The following KCNJ16 variants were observed in gnomAD, a reference collection of about 807,000 sequenced individuals.
The protein encoded by KCNJ16 is inward rectifier potassium channel 16.
KCNJ16 carries 15 observed loss-of-function variants against 18.5 expected under a neutral mutation model. The ratio of observed to expected loss-of-function variants is 0.81; its 90% CI spans 0.54 to 1.25. The LOEUF is 1.25. KCNJ16 is among the 50% of genes most tolerant of loss of function. The pLI is 0.00. For synonymous variants in KCNJ16, 174 were observed against 186.5 expected, an observed-to-expected ratio of 0.93 and a Z score of 0.55; for missense variants, 523 against 525.7, an observed-to-expected ratio of 0.99 and a Z score of 0.05.
At chr17:70,094,341 A>G (rs750861965) in intron 1 of KCNJ16, among the ~76,000 whole-genome samples, 1 of 152,194 alleles carries the variant, frequency 6.6e-6, no homozygotes, top group Non-Finnish European at 1.5e-5. Context: ...CAGGAATAGC[A>G]ATAGTTTCAA....
chr17:70,105,514 T>C (rs1197778700), intron 2 of KCNJ16, among the ~76,000 whole-genome samples: 1 of 152,180 alleles, frequency 6.6e-6, no homozygotes, highest in Non-Finnish European at 1.5e-5. Context: ...CAAAGTAGCA[T>C]CGCAAATTTG....
At chr17:70,113,225 A>C (rs2073261230) in intron 2 of KCNJ16, among the ~76,000 whole-genome samples, 1 of 152,198 alleles carries the variant, frequency 6.6e-6, no homozygotes. Context: ...CCAGGGAAGC[A>C]TCTTTGTTCC....
chr17:70,092,872 G>T (rs867446465), intron 1 of KCNJ16, among the ~76,000 whole-genome samples: 10 of 152,162 alleles, frequency 6.6e-5, no homozygotes, highest in South Asian at 4.2e-4. Context: ...CCACCATTTT[G>T]TTCCATCCAG....
chr17:70,105,504 C>T (rs2143911597), intron 2 of KCNJ16, among the ~76,000 whole-genome samples: 2 of 152,278 alleles, frequency 1.3e-5, no homozygotes, highest in Admixed American at 1.3e-4. Flanking sequence ...AAAGTGACAG[C>T]AAAGTAGCAT....
At chr17:70,110,327 T>G (rs1252996418) in intron 2 of KCNJ16, among the ~76,000 whole-genome samples, 2 of 152,174 alleles carry the variant, frequency 1.3e-5, no homozygotes, top group African/African-American at 2.4e-5. Flanking sequence ...GATAGTGTCC[T>G]TGAAGTGAAC....
intron 2 of KCNJ16, among the ~76,000 whole-genome samples, chr17:70,112,615 C>A (rs1363103676): frequency 6.6e-6 from 1 of 152,020 alleles, no homozygotes; most frequent in Admixed American, 6.6e-5. Context: ...TATTATCTAT[C>A]ATTTATGTGT....
In KCNJ16 at chr17:70,132,375, CT is replaced by C; in HGVS notation, c.291del (p.His98IlefsTer6). On this transcript the variant is annotated frameshift_variant, in exon 4 of 4. Coordinates refer to ENST00000392671, the MANE Select transcript of KCNJ16 (RefSeq NM_170741.4). LOFTEE classifies it high-confidence loss of function. ...TTGGCTCTGTCTTTTGGCTCATAGC[CT>C]TTCATCATGGCGATCTATTAAATGA... The part of the protein sequence containing the change: ...IFGSVFWLIA[F>X]HHGDLLNDPD... The C allele has an allele frequency of 1.9e-6, 3 of 1,614,126 alleles. No individual in the cohort carries two copies. Among genetic ancestry groups the C allele is most frequent in the Non-Finnish European group, 2.5e-6 (3 of 1,180,020 alleles).
Position 70,133,109 on chromosome 17 carries a change from C to T in KCNJ16, c.1022C>T (p.Ala341Val). The change falls in exon 4 of 4, where the codon GCC becomes GTC. Residue 341 changes from alanine (A) to valine (V), a missense_variant. Transcript: ENST00000392671. ...SVEVYAPFCS[A>V]KQLDWKDQQL... ...GAAGTATATGCCCCCTTTTGCAGTG[C>T]CAAGCAATTGGACTGGAAAGACCAG... The T allele has an allele frequency of 2.5e-6, 4 of 1,614,124 alleles. No homozygotes were observed. In the African/African-American group the frequency reaches 4.0e-5, roughly 16 times the overall value.
intron 1 of KCNJ16, among the ~76,000 whole-genome samples, chr17:70,095,528 T>C (rs2072316667): frequency 6.6e-6 from 1 of 152,186 alleles, no homozygotes; most frequent in Non-Finnish European, 1.5e-5. Flanking sequence ...CGTGAAGCTT[T>C]TCTACTCTTT....
At chr17:70,103,296 G>GTGTGTGTGTGTA (rs1408960241) in intron 2 of KCNJ16, among the ~76,000 whole-genome samples, 5,625 of 71,550 alleles carry the variant, frequency 0.079, 141 homozygotes, top group East Asian at 0.12. Context: ...ATGTGTGTGT[G>GTGTGTGTGTGTA]TATATATATA....
At chr17:70,131,953 T>C in intron 3 of KCNJ16, 42 bp from the exon 4 acceptor site, 4 of 1,510,010 alleles carry the variant, frequency 2.6e-6, no homozygotes, top group Non-Finnish European at 3.5e-6. Context: ...AAGATGGACA[T>C]TGAAAGCTAA....
chr17:70,088,470 G>A (rs1032702861), intron 1 of KCNJ16, among the ~76,000 whole-genome samples: 2 of 152,168 alleles, frequency 1.3e-5, no homozygotes, highest in East Asian at 1.9e-4. Flanking sequence ...GACTGGTCCC[G>A]GTCCCTGGCC....
intron 1 of KCNJ16, among the ~76,000 whole-genome samples, chr17:70,086,866 G>A (rs1394483367): frequency 6.6e-6 from 1 of 152,134 alleles, no homozygotes; most frequent in East Asian, 1.9e-4. Flanking sequence ...TACTTTGGAA[G>A]TTAAGCCTTT....
At chr17:70,092,537 GAT>G (rs34857869) in intron 1 of KCNJ16, among the ~76,000 whole-genome samples, 26,116 of 126,480 alleles carry the variant, frequency 0.21, 3,387 homozygotes, top group African/African-American at 0.27. Context: ...TAGACAGATA[GAT>G]ATAGATAGAT....
rs116603573 is a variant in KCNJ16 at position 70,080,300 on chromosome 17, C to T, written c.-300+4910C>T. Among the ~76,000 whole-genome samples, 1,311 of 152,232 alleles carry T rather than the reference C, an allele frequency of 8.6e-3. 6 individuals carry two copies. Among genetic ancestry groups the T allele is most frequent in the African/African-American group, 0.021 (884 of 41,540 alleles). ...CTCTGAGAAACCATGTGATTAACAT[C>T]GTATACCTTTTAGAAGTATTAATTT... On this transcript the variant is annotated intron_variant, in intron 1 of 3. Transcript: ENST00000392671.
chr17:70,094,510 G>T (rs2072263335), intron 1 of KCNJ16, among the ~76,000 whole-genome samples: 1 of 152,146 alleles, frequency 6.6e-6, no homozygotes, highest in South Asian at 2.1e-4. Flanking sequence ...ATTAATAAAA[G>T]TATGTATTTT....
chr17:70,096,439 A>G (rs1292162400), intron 1 of KCNJ16, among the ~76,000 whole-genome samples: 1 of 145,560 alleles, frequency 6.9e-6, no homozygotes, highest in East Asian at 2.0e-4. Flanking sequence ...GTAAGCATGG[A>G]AAAGTATTAT....
chr17:70,075,936 T>C (rs186680178), intron 1 of KCNJ16, among the ~76,000 whole-genome samples: 133 of 151,074 alleles, frequency 8.8e-4, no homozygotes, highest in African/African-American at 3.2e-3. Flanking sequence ...AAGAATTTTC[T>C]CCTTTTGTTT....
intron 2 of KCNJ16, among the ~76,000 whole-genome samples, chr17:70,127,096 T>C (rs9909756): frequency 6.6e-6 from 1 of 152,206 alleles, no homozygotes; most frequent in East Asian, 1.9e-4. Flanking sequence ...TTCAGGAGGA[T>C]AAATTGTAAA....
Sources: gnomAD v4.1 joint callset for allele counts (sites outside exome capture counted in the v4.1 genomes callset) on GRCh38, gnomAD v4.1.1 for gene constraint, MANE v1.5 for transcripts, NCBI Gene and HGNC (gene_info 2026-07-23, HGNC 2026-07-21) for gene names.